Variants in TYW1 observed in about 807,000 individuals in gnomAD.
TYW1 encodes the protein S-adenosyl-L-methionine-dependent tRNA 4-demethylwyosine synthase TYW1.
In TYW1, 46 loss-of-function variants were observed where a neutral mutation model predicts 96.2. The ratio of observed to expected loss-of-function variants is 0.48; its 90% CI spans 0.38 to 0.61. The LOEUF (loss-of-function observed/expected upper bound fraction) is 0.61. Among genes scored for constraint, TYW1 ranks in the 20% least tolerant of loss-of-function variants. TYW1 has a pLI of 0.00. For missense variants in TYW1, 684 were observed against 909.6 expected (o/e 0.75, Z 3.19); for synonymous variants, 274 against 323.0 (o/e 0.85, Z 1.63).
At chr7:67,152,555 A>G (rs1798835819) in intron 13 of TYW1, among the ~76,000 whole-genome samples, 1 of 151,906 alleles carries the variant, frequency 6.6e-6, no homozygotes, top group Admixed American at 6.6e-5. Flanking sequence ...CTGTTTCCGT[A>G]TTTTGAACTC....
intron 13 of TYW1, among the ~76,000 whole-genome samples, chr7:67,121,355 G>T (rs1163420405): frequency 6.6e-6 from 1 of 152,166 alleles, no homozygotes; most frequent in African/African-American, 2.4e-5. Context: ...GGTTAATATG[G>T]TGAAACCCCG....
chr7:67,167,459 ACT>A (rs1355572640), intron 13 of TYW1, among the ~76,000 whole-genome samples: 1 of 101,560 alleles, frequency 9.8e-6, no homozygotes, highest in African/African-American at 4.2e-5. Flanking sequence ...ACAGAGAGAG[ACT>A]CTGTCTCAAA....
At chr7:67,083,087 G>A (rs550000278) in intron 10 of TYW1, among the ~76,000 whole-genome samples, 17 of 152,234 alleles carry the variant, frequency 1.1e-4, no homozygotes, top group East Asian at 3.9e-4. Context: ...ATGAAGTGTC[G>A]ACGTAGATGA....
At chr7:67,237,807 G>A (rs973422035) in intron 15 of TYW1, among the ~76,000 whole-genome samples, 1 of 152,082 alleles carries the variant, frequency 6.6e-6, no homozygotes, top group Non-Finnish European at 1.5e-5. Context: ...TTGTATCCAC[G>A]TTAGGCCAGA....
chr7:67,238,578 A>T lies in TYW1; in HGVS notation c.*49A>T, dbSNP rs750433402. On this transcript the variant is annotated 3_prime_UTR_variant, in exon 16 of 16. Coordinates refer to ENST00000359626, the MANE Select transcript of TYW1 (RefSeq NM_018264.4). The stretch of plus-strand genomic sequence containing the variant: ...AAGGACAAAAACTTGGATGGCCTCA[A>T]AAGGTTCTTGAACACCACTGTGATT... 2.5e-6 allele frequency: 4 copies of T among 1,598,332 alleles called. No individual in the cohort carries two copies. Among genetic ancestry groups the T allele is most frequent in the East Asian group, 4.5e-5 (2 of 44,474 alleles).
At chr7:67,112,100 C>CAAAAAAAAAAAAAAAAAAAAAAAAAAAA (rs538839042) in intron 12 of TYW1, among the ~76,000 whole-genome samples, 2 of 94,886 alleles carry the variant, frequency 2.1e-5, no homozygotes, top group African/African-American at 7.5e-5. Flanking sequence ...CTCTGTCTGA[C>CAAAAAAAAAAAAAAAAAAAAAAAAAAAA]AAAAAAAAAA....
intron 13 of TYW1, among the ~76,000 whole-genome samples, chr7:67,120,452 T>C (rs1293281484): frequency 6.6e-6 from 1 of 152,216 alleles, no homozygotes; most frequent in Non-Finnish European, 1.5e-5. Flanking sequence ...GTTTTACCAG[T>C]TGTCCAGCTG....
intron 12 of TYW1, among the ~76,000 whole-genome samples, chr7:67,116,476 A>G (rs1181223047): frequency 6.6e-6 from 1 of 152,144 alleles, no homozygotes; most frequent in Non-Finnish European, 1.5e-5. Flanking sequence ...GCTTGAGCCC[A>G]GGAGTTCCAG....
intron 12 of TYW1, among the ~76,000 whole-genome samples, chr7:67,102,928 C>G (rs972574266): frequency 6.6e-6 from 1 of 152,190 alleles, no homozygotes; most frequent in African/African-American, 2.4e-5. Flanking sequence ...GGATTATAGG[C>G]GTGAGCCATC....
Position 67,080,940 on chromosome 7 carries a change from G to GTTTTTTTTTT in TYW1, c.1275-2472_1275-2463dup, listed in dbSNP as rs71049495. 9.7e-4 allele frequency among the ~76,000 whole-genome samples: 36 copies of GTTTTTTTTTT among 37,246 alleles called. 3 individuals carry two copies. The highest frequency in any genetic ancestry group is 1.4e-3 in the Non-Finnish European group (30 of 20,740). The allele number at this position is 37,246 out of a possible 152,430, so 24.4% of individuals were successfully genotyped here. ...TGTATATTGTTTTTGCTTTCTTACTGTTTTTTTTTTTTTTTTTTTTTTTTT... is the reference window on the plus strand; with the variant it reads ...TGTATATTGTTTTTGCTTTCTTACTGTTTTTTTTTTTTTTTTTTTTTTTTTTTTTTTTTTT... On this transcript the variant is annotated intron_variant, in intron 10 of 15. Transcript: ENST00000359626.
At chr7:67,025,102 A>T in intron 7 of TYW1, 80 bp downstream of exon 7, 1 of 1,552,088 alleles carries the variant, frequency 6.4e-7, no homozygotes, top group South Asian at 1.2e-5. Flanking sequence ...TGTGTAGTCC[A>T]TCTGAGCTCA....
At chr7:67,171,805 A>G (rs1799522783) in intron 13 of TYW1, among the ~76,000 whole-genome samples, 3 of 152,112 alleles carry the variant, frequency 2.0e-5, no homozygotes, top group Admixed American at 6.5e-5. Flanking sequence ...CAGTGTTTGC[A>G]TAGTACAACT....
rs151244749 is a variant in TYW1 at position 67,126,385 on chromosome 7, A to T, written c.1698+8767A>T. 2.6e-5 allele frequency among the ~76,000 whole-genome samples: 4 copies of T among 151,950 alleles called. No individual in the cohort carries two copies. The East Asian group carries it at 7.7e-4, about 29-fold the overall frequency. ...TTCTTTGTATATTTTGGAGTCCTTT[A>T]TCAGATATGTCTTTTGCAAATGTGT... is the stretch of plus-strand genomic sequence containing the variant. On this transcript the variant is annotated intron_variant, in intron 13 of 15. Coordinates refer to ENST00000359626, the MANE Select transcript of TYW1 (RefSeq NM_018264.4).
chr7:67,156,959 C>A (rs1798996855), intron 13 of TYW1, among the ~76,000 whole-genome samples: 1 of 151,916 alleles, frequency 6.6e-6, no homozygotes, highest in South Asian at 2.1e-4. Flanking sequence ...CTGGGGACCT[C>A]TCACTTACCT....
chr7:67,035,637 G>C (rs1460352967), intron 7 of TYW1, among the ~76,000 whole-genome samples: 1 of 152,080 alleles, frequency 6.6e-6, no homozygotes, highest in Admixed American at 6.6e-5. Flanking sequence ...AATCAGCTAA[G>C]GGAAGACATG....
chr7:67,058,739 G>C (rs973211686), intron 9 of TYW1, among the ~76,000 whole-genome samples: 7 of 152,052 alleles, frequency 4.6e-5, no homozygotes, highest in Non-Finnish European at 1.0e-4. Flanking sequence ...GCCTCTGAAA[G>C]TGCTGGGATT....
chr7:67,216,850 G>A (rs965078711), intron 15 of TYW1, among the ~76,000 whole-genome samples: 4 of 151,346 alleles, frequency 2.6e-5, no homozygotes, highest in African/African-American at 9.7e-5. Context: ...TTATTTAGTA[G>A]TATTTTTTAA....
At chr7:67,161,899 T>C (rs900181938) in intron 13 of TYW1, among the ~76,000 whole-genome samples, 1 of 152,138 alleles carries the variant, frequency 6.6e-6, no homozygotes, top group Non-Finnish European at 1.5e-5. Flanking sequence ...GAGGAAACTT[T>C]ATAGGCTTAC....
At chr7:67,171,178 G>A (rs192035324) in intron 13 of TYW1, among the ~76,000 whole-genome samples, 8 of 151,820 alleles carry the variant, frequency 5.3e-5, no homozygotes, top group Non-Finnish European at 1.2e-4. Flanking sequence ...ACTTTTTTTG[G>A]TATATAGTTG....
Sources: allele counts gnomAD v4.1 joint callset (sites outside exome capture counted in the v4.1 genomes callset), GRCh38; gene constraint gnomAD v4.1.1; transcripts MANE v1.5; gene names NCBI Gene and HGNC (gene_info 2026-07-23, HGNC 2026-07-21).